Variants in OTX2 observed in about 807,000 individuals in gnomAD.
The protein encoded by OTX2 is homeobox protein OTX2.
A neutral mutation model predicts 29.0 loss-of-function variants in OTX2; 4 were observed. The observed-to-expected ratio is 0.14, with a 90% CI of 0.07 to 0.32. The LOEUF (loss-of-function observed/expected upper bound fraction) is 0.32, where lower values mean the gene tolerates loss of function less well. OTX2 is among the 10% of genes least tolerant of loss of function. The probability of loss-of-function intolerance (pLI) is 1.00; values close to 1 mark genes in which losing one functional copy is unlikely to be tolerated. For synonymous variants in OTX2, 134 were observed against 141.0 expected (o/e 0.95, Z 0.35); for missense variants, 298 against 365.9 (o/e 0.81, Z 1.51).
chr14:56,801,704 A>C lies in OTX2; in HGVS notation c.*31T>G, dbSNP rs1594951845. 3.1e-6 allele frequency: 5 copies of C among 1,610,944 alleles called. No homozygotes were observed. Among genetic ancestry groups the C allele is most frequent in the Non-Finnish European group, 4.2e-6 (5 of 1,178,576 alleles). On this transcript the variant is annotated 3_prime_UTR_variant, in exon 5 of 5. Transcript: ENST00000672264. The surrounding 1 kb of genome is among the most constrained non-coding windows in gnomAD (Gnocchi z 4.2). ...GAATGTCCAGCCCAGTATATTTAAAAATCACCCACAAAAAGAGGTTCTACA... is the reference window on the plus strand; with the variant it reads ...GAATGTCCAGCCCAGTATATTTAAACATCACCCACAAAAAGAGGTTCTACA...
Position 56,800,073 on chromosome 14 carries a change from CA to C in OTX2, c.*1661del, listed in dbSNP as rs1891823426. 6.6e-6 allele frequency: 1 copy of C among 152,126 alleles called. No individual in the cohort carries two copies. 9.4% of individuals were successfully genotyped at this position (152,126 alleles called of 1,614,324 possible). ...TTTCTGGTGACTGGTTTACAAAATG[CA>C]GGTACAACTGAAAAGGGACCCATTT... On this transcript the variant is annotated 3_prime_UTR_variant, in exon 5 of 5. Coordinates refer to ENST00000672264, the MANE Select transcript of OTX2 (RefSeq NM_021728.4).
Position 56,803,752 on chromosome 14 carries a change from G to A in OTX2, c.273+436C>T, listed in dbSNP as rs181420165. ...TTTATTTGGTAAAAGCACCAGCTGC[G>A]TCTATACCCTGACTCTGCCACCAAA... On this transcript the variant is annotated intron_variant, in intron 4 of 4. Transcript: ENST00000672264. Among the ~76,000 whole-genome samples, 73 of 152,298 alleles carry A rather than the reference G, an allele frequency of 4.8e-4. 3 individuals are homozygous for A. The East Asian group carries it at 5.0e-3, about 10-fold the overall frequency.
At position 56,804,137 on chromosome 14, in the gene OTX2, C is replaced by G. The variant is rs754725169; in HGVS notation, c.273+51G>C. 7 of 1,602,790 alleles carry G rather than the reference C, an allele frequency of 4.4e-6. No homozygotes were observed. In the Admixed American group the frequency reaches 1.2e-4, roughly 27 times the overall value. On this transcript the variant is annotated intron_variant, in intron 4 of 4. Coordinates refer to ENST00000672264, the MANE Select transcript of OTX2 (RefSeq NM_021728.4). The surrounding 1 kb of genome is among the most constrained non-coding windows in gnomAD (Gnocchi z 4.1). The stretch of plus-strand genomic sequence containing the variant: ...CTGGGGCTCTCCACAGTCCCATACT[C>G]GGGAAGGGTGGCATGATCAGGAAGG...
chr14:56,805,832 C>T (rs1344793489), intron 2 of OTX2, among the ~76,000 whole-genome samples: 1 of 135,766 alleles, frequency 7.4e-6, no homozygotes, highest in African/African-American at 2.7e-5. Flanking sequence ...AAAAAAGTAC[C>T]CGAAGAAAGC....
intron 2 of OTX2, among the ~76,000 whole-genome samples, chr14:56,806,553 T>A (rs1892095534): frequency 6.6e-6 from 1 of 152,216 alleles, no homozygotes. Flanking sequence ...AGGCTGCAGA[T>A]CCTGCGGGAG....
At chr14:56,803,044 T>G (rs1279963737) in intron 4 of OTX2, among the ~76,000 whole-genome samples, 1 of 152,240 alleles carries the variant, frequency 6.6e-6, no homozygotes, top group African/African-American at 2.4e-5. Flanking sequence ...CTCGAGTCTG[T>G]GTTGTTAGAG....
intron 4 of OTX2, among the ~76,000 whole-genome samples, chr14:56,803,019 T>A (rs1891948644): frequency 1.3e-5 from 2 of 152,210 alleles, no homozygotes; most frequent in Non-Finnish European, 2.9e-5. Context: ...AGCACAGACC[T>A]GCTAGTCTCT....
chr14:56,808,765 C>G (rs1349650364), intron 2 of OTX2, among the ~76,000 whole-genome samples: 3 of 152,190 alleles, frequency 2.0e-5, no homozygotes, highest in Non-Finnish European at 4.4e-5. Context: ...AATCCACCAC[C>G]GCAGGGTCGG....
intron 2 of OTX2, among the ~76,000 whole-genome samples, chr14:56,809,293 T>G (rs1255626634): frequency 1.3e-5 from 2 of 152,102 alleles, no homozygotes; most frequent in Non-Finnish European, 2.9e-5. Flanking sequence ...GGCAAAGTCA[T>G]GTTGAAAAAA....
rs709948 is a variant in OTX2, at chr14:56,803,966, C to G, written c.273+222G>C. On this transcript the variant is annotated intron_variant, in intron 4 of 4. Coordinates refer to ENST00000672264, the MANE Select transcript of OTX2 (RefSeq NM_021728.4). Reference sequence around the variant, plus strand: ...GAAACCTGCTCAAGGATGGGTCTCTCTCCACCAGCAACCCGGGCCTTGAAG... The same window carrying G: ...GAAACCTGCTCAAGGATGGGTCTCTGTCCACCAGCAACCCGGGCCTTGAAG... 1 allele frequency among the ~76,000 whole-genome samples: 151,995 copies of G among 152,324 alleles called. 75,834 individuals are homozygous for G. The highest frequency in any genetic ancestry group is 1 in the Middle Eastern group (294 of 294).
chr14:56,802,507 T>A lies in OTX2; in HGVS notation c.274-152A>T. ...AGACCTATTATGTGGTACTCTCATATAAACTCCTGGACTTGTAAGAAAGTT... is the reference window on the plus strand; with the variant it reads ...AGACCTATTATGTGGTACTCTCATAAAAACTCCTGGACTTGTAAGAAAGTT... On this transcript the variant is annotated intron_variant, in intron 4 of 4. Coordinates refer to ENST00000672264, the MANE Select transcript of OTX2 (RefSeq NM_021728.4). The surrounding 1 kb of genome is among the most constrained non-coding windows in gnomAD (Gnocchi z 4.4). The A allele has an allele frequency of 1.1e-6, 1 of 881,280 alleles. No homozygotes were observed. The highest frequency in any genetic ancestry group is 1.4e-5 in the South Asian group (1 of 72,678). The allele number at this position is 881,280 out of a possible 1,614,324, so 54.6% of individuals were successfully genotyped here.
In OTX2 at chr14:56,804,483, A is replaced by C; in HGVS notation, c.98-120T>G. ...CAGCCCTTCAGCCGGGAGCCTACCA[A>C]TGCTCTCCCCACCGTCTCCCCAGCC... On this transcript the variant is annotated intron_variant, in intron 3 of 4. Transcript: ENST00000672264. The surrounding 1 kb of genome is among the most constrained non-coding windows in gnomAD (Gnocchi z 4.1). 4.3e-6 allele frequency: 4 copies of C among 922,754 alleles called. No homozygotes were observed. The highest frequency in any genetic ancestry group is 4.8e-6 in the Non-Finnish European group (3 of 625,724). The allele number at this position is 922,754 out of a possible 1,614,324, so 57.2% of individuals were successfully genotyped here. A position where few individuals can be genotyped will look rare whatever the true frequency, so the allele number is the denominator to read the frequency against.
Position 56,805,490 on chromosome 14 carries a change from A to G in OTX2, c.-34T>C. On this transcript the variant is annotated 5_prime_UTR_variant, in exon 3 of 5. Coordinates refer to ENST00000672264, the MANE Select transcript of OTX2 (RefSeq NM_021728.4). ...TGTTTGGAGGTGCAAAGTCGGCCCA[A>G]ATCGGGGGTACCCAGCTGGAAGATC... The G allele has an allele frequency of 2.1e-6, 3 of 1,434,794 alleles. No individual in the cohort carries two copies. Among genetic ancestry groups the G allele is most frequent in the Non-Finnish European group, 2.9e-6 (3 of 1,018,834 alleles). 88.9% of individuals were successfully genotyped at this position (1,434,794 alleles called of 1,614,324 possible).
intron 4 of OTX2, among the ~76,000 whole-genome samples, chr14:56,803,703 G>A (rs1407250152): frequency 6.6e-6 from 1 of 152,136 alleles, no homozygotes; most frequent in Non-Finnish European, 1.5e-5. Context: ...AGAAGTCAAG[G>A]AAAATACATT....
At chr14:56,810,263 C>T (rs1308134595) in intron 1 of OTX2, 41 bp from the exon 2 acceptor site, 7 of 152,144 alleles carry the variant, frequency 4.6e-5, no homozygotes, top group Admixed American at 2.0e-4. Context: ...ACCTTGCAGT[C>T]TTCACCCTTC....
rs886050561 is a variant in OTX2, at chr14:56,805,640, C to A, written c.-119-65G>T. Reference sequence around the variant, plus strand: ...ACTGCTTCGGAGGCAGCAGCTCTTCCACGTTCCAGCACTAACTTAAAAAGA... The same window carrying A: ...ACTGCTTCGGAGGCAGCAGCTCTTCAACGTTCCAGCACTAACTTAAAAAGA... On this transcript the variant is annotated intron_variant, in intron 2 of 4. Coordinates refer to ENST00000672264, the MANE Select transcript of OTX2 (RefSeq NM_021728.4). The A allele has an allele frequency of 8.3e-5, 51 of 618,118 alleles. 1 individual carries two copies. The Middle Eastern group carries it at 1.3e-3, about 16-fold the overall frequency. The allele number at this position is 618,118 out of a possible 1,614,324, so 38.3% of individuals were successfully genotyped here. A position where few individuals can be genotyped will look rare whatever the true frequency, so the allele number is the denominator to read the frequency against.
At chr14:56,809,691 T>C (rs1430240946) in intron 2 of OTX2, among the ~76,000 whole-genome samples, 1 of 152,224 alleles carries the variant, frequency 6.6e-6, no homozygotes, top group African/African-American at 2.4e-5. Flanking sequence ...CTTTTTATTA[T>C]TGTTGTTTCA....
intron 2 of OTX2, among the ~76,000 whole-genome samples, chr14:56,806,068 C>G (rs1028473236): frequency 1.3e-5 from 2 of 152,108 alleles, no homozygotes; most frequent in African/African-American, 4.8e-5. Context: ...AGAAATCTAC[C>G]TCTCCCCAGA....
intron 4 of OTX2, among the ~76,000 whole-genome samples, chr14:56,803,619 G>T (rs987678960): frequency 3.9e-5 from 6 of 152,178 alleles, no homozygotes; most frequent in African/African-American, 1.4e-4. Flanking sequence ...AACAAGAGGG[G>T]TGTCACTAGA....
Sources: gnomAD v4.1 joint callset for allele counts (sites outside exome capture counted in the v4.1 genomes callset) on GRCh38, gnomAD v4.1.1 for gene constraint, Gnocchi (gnomAD v3.1) non-coding constraint, MANE v1.5 for transcripts, NCBI Gene and HGNC (gene_info 2026-07-23, HGNC 2026-07-21) for gene names.